RUNX2: variants seen among roughly 807,000 people sequenced by gnomAD.
RUNX2 encodes RUNX family transcription factor 2.
A neutral mutation model predicts 51.7 loss-of-function variants in RUNX2; 10 were observed. The ratio of observed to expected loss-of-function variants is 0.19; its 90% CI spans 0.12 to 0.33. The LOEUF is 0.33. Ranked by LOEUF, RUNX2 falls within the 10% of genes least tolerant of loss-of-function variation. The pLI is 1.00. For missense variants in RUNX2, 562 were observed against 691.3 expected (o/e 0.81, Z 2.10); for synonymous variants, 276 against 273.6 (o/e 1.01, Z -0.09).
chr6:45,344,929 G>T (rs1790543661), intron 2 of RUNX2, among the ~76,000 whole-genome samples: 1 of 152,136 alleles, frequency 6.6e-6, no homozygotes, highest in Admixed American at 6.6e-5. Context: ...TAGTTTAGTA[G>T]TTGCCATGGA....
At chr6:45,383,109 T>C (rs1797275241) in intron 2 of RUNX2, among the ~76,000 whole-genome samples, 1 of 152,218 alleles carries the variant, frequency 6.6e-6, no homozygotes, top group South Asian at 2.1e-4. Flanking sequence ...GCATGATGTT[T>C]GTATTATCTT....
intron 2 of RUNX2, among the ~76,000 whole-genome samples, chr6:45,396,776 G>A (rs1444822915): frequency 2.0e-5 from 3 of 152,052 alleles, no homozygotes; most frequent in Non-Finnish European, 2.9e-5. Flanking sequence ...ATTTGTGACT[G>A]GTGTCTTTCA....
At chr6:45,514,141 G>A (rs887812101) in intron 7 of RUNX2, among the ~76,000 whole-genome samples, 10 of 152,166 alleles carry the variant, frequency 6.6e-5, no homozygotes, top group African/African-American at 2.4e-4. Context: ...ACCTCAGGGA[G>A]TGATGGTAGC....
intron 6 of RUNX2, among the ~76,000 whole-genome samples, chr6:45,505,308 C>T (rs1379720807): frequency 6.6e-6 from 1 of 151,886 alleles, no homozygotes; most frequent in Admixed American, 6.6e-5. Context: ...CTTACTCATT[C>T]AGAAGAGAAT....
intron 7 of RUNX2, among the ~76,000 whole-genome samples, chr6:45,515,907 G>C (rs1023490080): frequency 3.9e-5 from 6 of 152,148 alleles, no homozygotes; most frequent in Admixed American, 6.5e-5. Context: ...CAACCAGAAA[G>C]ATCCACCAGA....
rs143762356 is a variant in RUNX2 at position 45,434,816 on chromosome 6, G to A, written c.580+2797G>A. Among the ~76,000 whole-genome samples the A allele has an allele frequency of 8.7e-3, 1,325 of 152,164 alleles. 6 individuals are homozygous for A. Among genetic ancestry groups the A allele is most frequent in the Admixed American group, 0.014 (208 of 15,292 alleles). On this transcript the variant is annotated intron_variant, in intron 4 of 8. Coordinates refer to ENST00000647337, the MANE Select transcript of RUNX2 (RefSeq NM_001024630.4). ...AGCCTACATTTTAAAATAACAGGCT[G>A]TATTTTATCACTTATGGAAAGTGAT...
intron 3 of RUNX2, 35 bp downstream of exon 3, chr6:45,422,992 G>A: frequency 1.3e-6 from 2 of 1,598,666 alleles, no homozygotes; most frequent in Non-Finnish European, 1.7e-6. Flanking sequence ...CCCCGGCCGG[G>A]AGCGGCGGAA....
chr6:45,329,357 A>G (rs1316823483), intron 2 of RUNX2, among the ~76,000 whole-genome samples: 1 of 152,000 alleles, frequency 6.6e-6, no homozygotes, highest in Non-Finnish European at 1.5e-5. Flanking sequence ...TTGTTTCTAA[A>G]CAACTTTATA....
intron 2 of RUNX2, among the ~76,000 whole-genome samples, chr6:45,392,446 A>G (rs1278530436): frequency 1.3e-5 from 2 of 152,200 alleles, no homozygotes; most frequent in Non-Finnish European, 2.9e-5. Flanking sequence ...GGTTACAGTG[A>G]GCTGTGATCA....
chr6:45,406,479 A>G lies in RUNX2; in HGVS notation c.59-16114A>G, dbSNP rs905894185. ...ACCCAGGCTGGGGTGCAATGGTACA[A>G]TCTTGGCTCACTGCAACCTCTGCCT... On this transcript the variant is annotated intron_variant, in intron 2 of 8. Transcript: ENST00000647337. Among the ~76,000 whole-genome samples, 7 of 152,238 alleles carry G rather than the reference A, an allele frequency of 4.6e-5. No individual in the cohort carries two copies. In the South Asian group the frequency reaches 8.3e-4, roughly 18 times the overall value.
At chr6:45,443,292 C>T (rs1039855653) in intron 5 of RUNX2, among the ~76,000 whole-genome samples, 1 of 152,040 alleles carries the variant, frequency 6.6e-6, no homozygotes, top group Non-Finnish European at 1.5e-5. Context: ...CTCAAGTGAT[C>T]CTCCTGCTTT....
chr6:45,546,413 A>G (rs1221077671), intron 8 of RUNX2, among the ~76,000 whole-genome samples: 2 of 152,196 alleles, frequency 1.3e-5, no homozygotes, highest in African/African-American at 4.8e-5. Context: ...CTTTATATTG[A>G]GTTGAGGAAA....
At chr6:45,391,832 T>C (rs908359961) in intron 2 of RUNX2, among the ~76,000 whole-genome samples, 1 of 152,170 alleles carries the variant, frequency 6.6e-6, no homozygotes, top group African/African-American at 2.4e-5. Context: ...ACTTGGGGAT[T>C]ATGGGGATAA....
chr6:45,466,934 C>A (rs1476525311), intron 5 of RUNX2, among the ~76,000 whole-genome samples: 1 of 152,236 alleles, frequency 6.6e-6, no homozygotes, highest in Non-Finnish European at 1.5e-5. Flanking sequence ...TCCTTTCTTA[C>A]TCTTTTGAGA....
At chr6:45,365,025 TA>T (rs1384768449) in intron 2 of RUNX2, among the ~76,000 whole-genome samples, 1 of 152,220 alleles carries the variant, frequency 6.6e-6, no homozygotes, top group African/African-American at 2.4e-5. Flanking sequence ...GTAGCATTTT[TA>T]ACCAATTTTG....
intron 7 of RUNX2, among the ~76,000 whole-genome samples, chr6:45,522,196 C>T (rs766183729): frequency 3.3e-5 from 5 of 152,150 alleles, no homozygotes; most frequent in Non-Finnish European, 7.3e-5. Context: ...TGTGCTTATG[C>T]AGGTGAGAAG....
At position 45,533,034 on chromosome 6, in the gene RUNX2, G is replaced by A. The variant is rs76756911; in HGVS notation, c.1022-12183G>A. On this transcript the variant is annotated intron_variant, in intron 7 of 8. Transcript: ENST00000647337. ...TTCATGTCCCAGAGAAATACAAGAC[G>A]TCTGGGAACAGCCACAAACAGATGT... Among the ~76,000 whole-genome samples the A allele has an allele frequency of 5.6e-3, 846 of 151,358 alleles. 9 individuals are homozygous for A. The highest frequency in any genetic ancestry group is 0.019 in the African/African-American group (784 of 41,172).
At chr6:45,436,275 GA>G (rs1459495009) in intron 4 of RUNX2, among the ~76,000 whole-genome samples, 1 of 151,892 alleles carries the variant, frequency 6.6e-6, no homozygotes, top group Non-Finnish European at 1.5e-5. Flanking sequence ...GCCACTTAAG[GA>G]AGTGGCCAAG....
At chr6:45,355,459 G>C (rs761843519) in intron 2 of RUNX2, among the ~76,000 whole-genome samples, 6 of 151,858 alleles carry the variant, frequency 4.0e-5, no homozygotes, top group Non-Finnish European at 8.8e-5. Context: ...GTTTTTCATT[G>C]GGGGTGGGGG....
Sources: gnomAD v4.1 joint callset for allele counts (sites outside exome capture counted in the v4.1 genomes callset) on GRCh38, gnomAD v4.1.1 for gene constraint, MANE v1.5 for transcripts, NCBI Gene and HGNC (gene_info 2026-07-23, HGNC 2026-07-21) for gene names.